AXIN2: variants seen among roughly 807,000 people sequenced by gnomAD.
AXIN2 encodes the protein axin 2, also known as axin-2.
In AXIN2, 21 loss-of-function variants were observed where a neutral mutation model predicts 74.7. The ratio of observed to expected loss-of-function variants is 0.28; its 90% CI spans 0.20 to 0.40. AXIN2 has a LOEUF of 0.40. AXIN2 is among the 10% of genes least tolerant of loss of function. The pLI is 1.00. For missense variants in AXIN2, 1,144 were observed against 1,111.1 expected (o/e 1.03, Z -0.42); for synonymous variants, 532 against 454.9 (o/e 1.17, Z -2.16).
In AXIN2 at chr17:65,529,566, T is replaced by C. The variant is rs1193604733; in HGVS notation, c.*410A>G. 1 of 351,640 alleles carries C rather than the reference T, an allele frequency of 2.8e-6. No homozygotes were observed. The highest frequency in any genetic ancestry group is 5.3e-6 in the Non-Finnish European group (1 of 189,138). 21.8% of individuals were successfully genotyped at this position (351,640 alleles called of 1,614,324 possible). A position where few individuals can be genotyped will look rare whatever the true frequency, so the allele number is the denominator to read the frequency against. ...CCCCTTCCAAGTTTAAAGCAGCATA[T>C]CCATAAACTGGGGATGGGGGAAATC... is the stretch of plus-strand genomic sequence containing the variant. On this transcript the variant is annotated 3_prime_UTR_variant, in exon 11 of 11. Transcript: ENST00000307078.
intron 3 of AXIN2, 46 bp from the exon 4 acceptor site, chr17:65,541,603 T>G (rs761035930): frequency 6.6e-7 from 1 of 1,508,454 alleles, no homozygotes. Flanking sequence ...CGAGGATGTT[T>G]TCAGCACATC....
Position 65,558,005 on chromosome 17 carries a change from T to A in AXIN2, c.616A>T (p.Asn206Tyr). 6.2e-7 allele frequency: 1 copy of A among 1,614,126 alleles called. No individual in the cohort carries two copies. ...YLEYVRSGGENTAYMSNGGLG... is the reference protein window; with the variant it reads ...YLEYVRSGGEYTAYMSNGGLG... ...CCCCCATTACTCATGTAAGCTGTGT[T>A]TTCTCCCCCACTCCTCACATATTCG... The change falls in exon 2 of 11, where the codon AAC becomes TAC. Residue 206 changes from asparagine to tyrosine, a missense_variant. Physicochemically the swap from Asn to Tyr is moderately radical, Grantham distance 143. Coordinates refer to ENST00000307078, the MANE Select transcript of AXIN2 (RefSeq NM_004655.4).
At chr17:65,534,569 T>C (rs2043876680) in intron 9 of AXIN2, among the ~76,000 whole-genome samples, 1 of 152,012 alleles carries the variant, frequency 6.6e-6, no homozygotes, top group Non-Finnish European at 1.5e-5. Context: ...GAACAACTAA[T>C]GGGGGTTATC....
chr17:65,551,283 G>C (rs1324798956), intron 2 of AXIN2, among the ~76,000 whole-genome samples: 1 of 100,622 alleles, frequency 9.9e-6, no homozygotes, highest in East Asian at 3.0e-4. Context: ...TTGAGGAGAT[G>C]ACAACCCAGG....
intron 3 of AXIN2, among the ~76,000 whole-genome samples, chr17:65,548,839 T>G (rs114815077): frequency 0.011 from 1,668 of 152,300 alleles, 23 homozygotes; most frequent in African/African-American, 0.038. Flanking sequence ...GCCAATGTCT[T>G]GGGTTACTTT....
intron 3 of AXIN2, among the ~76,000 whole-genome samples, chr17:65,546,402 C>T (rs1403653824): frequency 6.6e-6 from 1 of 152,190 alleles, no homozygotes; most frequent in Non-Finnish European, 1.5e-5. Flanking sequence ...CGGGTGACCG[C>T]CCGGTGCTGG....
intron 10 of AXIN2, among the ~76,000 whole-genome samples, chr17:65,533,662 T>A (rs2043859860): frequency 6.6e-6 from 1 of 152,206 alleles, no homozygotes; most frequent in Non-Finnish European, 1.5e-5. Flanking sequence ...CTGGTTCACC[T>A]GGTGGAAAGA....
chr17:65,531,170 T>C (rs1159960815), intron 10 of AXIN2, among the ~76,000 whole-genome samples: 1 of 144,204 alleles, frequency 6.9e-6, no homozygotes, highest in Non-Finnish European at 1.5e-5. Flanking sequence ...CTCAGGGTTA[T>C]GGTTGGGCTT....
intron 1 of AXIN2, among the ~76,000 whole-genome samples, chr17:65,559,006 G>A (rs1279185980): frequency 6.6e-6 from 1 of 152,068 alleles, no homozygotes; most frequent in East Asian, 1.9e-4. Flanking sequence ...AGGAAGGCAA[G>A]AGCTGGGGAC....
chr17:65,538,070 A>T (rs755554079), intron 5 of AXIN2, 133 bp downstream of exon 5: 1 of 1,507,604 alleles, frequency 6.6e-7, no homozygotes, highest in South Asian at 1.2e-5. Flanking sequence ...GCACACACCC[A>T]CACGCAGCCC....
At chr17:65,535,063 G>A (rs923796898) in intron 9 of AXIN2, among the ~76,000 whole-genome samples, 1 of 152,252 alleles carries the variant, frequency 6.6e-6, no homozygotes, top group Non-Finnish European at 1.5e-5. Flanking sequence ...TCAGGATGAA[G>A]ACACTAAGAA....
rs1054132086 is a variant in AXIN2, at chr17:65,549,735, A to G, written c.816-75T>C. 2.0e-6 allele frequency: 3 copies of G among 1,532,722 alleles called. No homozygotes were observed. The African/African-American group carries it at 4.1e-5, about 21-fold the overall frequency. 94.9% of individuals were successfully genotyped at this position (1,532,722 alleles called of 1,614,324 possible). A position where few individuals can be genotyped will look rare whatever the true frequency, so the allele number is the denominator to read the frequency against. ...CCAGGTAATCAGGTGACCCCAGGAC[A>G]ACCCAGCACACTATCCCACAATCTG... On this transcript the variant is annotated intron_variant, in intron 2 of 10. Coordinates refer to ENST00000307078, the MANE Select transcript of AXIN2 (RefSeq NM_004655.4).
rs1282533521 is a variant in AXIN2 at position 65,536,547 on chromosome 17, T to C, written c.1914A>G (p.Gln638=). ...RQSKPKPHSA[Q]STKKAYPLES... The stretch of plus-strand genomic sequence containing the variant: ...CCAAGGGGTAGGCCTTTTTTGTGCT[T>C]TGGGCACTAAACAAGGAATGAGCAG... Residue 638 remains glutamine, a synonymous_variant, in exon 8 of 11, where the codon CAA becomes CAG. Transcript: ENST00000307078. 2 of 1,613,642 alleles carry C rather than the reference T, an allele frequency of 1.2e-6. No homozygotes were observed.
intron 9 of AXIN2, among the ~76,000 whole-genome samples, chr17:65,534,312 T>C (rs2043873233): frequency 1.3e-5 from 2 of 152,162 alleles, no homozygotes; most frequent in Non-Finnish European, 2.9e-5. Flanking sequence ...AAAAGGATGA[T>C]TTCCTTTTGG....
chr17:65,536,089 G>C (rs188821320), intron 8 of AXIN2, among the ~76,000 whole-genome samples: 2 of 152,324 alleles, frequency 1.3e-5, no homozygotes, highest in East Asian at 3.9e-4. Context: ...CCCAATTCTA[G>C]GCATGACTTG....
At chr17:65,538,949 C>T (rs2043996232) in intron 4 of AXIN2, among the ~76,000 whole-genome samples, 1 of 151,994 alleles carries the variant, frequency 6.6e-6, no homozygotes, top group Non-Finnish European at 1.5e-5. Context: ...CCTCGTTTTT[C>T]TCCTTCCCTC....
rs781562976 is a variant in AXIN2, at chr17:65,538,163, G to A, written c.1200+40C>T. 3.7e-5 allele frequency: 59 copies of A among 1,613,612 alleles called. No individual in the cohort carries two copies. The highest frequency in any genetic ancestry group is 7.7e-5 in the South Asian group (7 of 91,068). On this transcript the variant is annotated intron_variant, in intron 5 of 10. Coordinates refer to ENST00000307078, the MANE Select transcript of AXIN2 (RefSeq NM_004655.4). Reference sequence around the variant, plus strand: ...TGCGCATACACATACGAGCGCTCACGCCGTGGACGGAAGCAGGAAGAAGGC... The same window carrying A: ...TGCGCATACACATACGAGCGCTCACACCGTGGACGGAAGCAGGAAGAAGGC...
At chr17:65,538,851 C>G (rs1189654283) in intron 4 of AXIN2, among the ~76,000 whole-genome samples, 1 of 151,988 alleles carries the variant, frequency 6.6e-6, no homozygotes, top group African/African-American at 2.4e-5. Flanking sequence ...GTCAAACGGC[C>G]TGGATCAGAG....
At position 65,549,660 on chromosome 17, in the gene AXIN2, C is replaced by T; in HGVS notation, c.816G>A (p.Arg272=). 2 of 1,595,828 alleles carry T rather than the reference C, an allele frequency of 1.3e-6. No individual in the cohort carries two copies. The highest frequency in any genetic ancestry group is 1.7e-6 in the Non-Finnish European group (2 of 1,170,234). Residue 272 remains arginine, a splice_region_variant and synonymous_variant, in exon 3 of 11, where the codon AGG becomes AGA. Transcript: ENST00000307078. ...TAACAGGATCGCTCCTCTTGAAGGA[C>T]CTATGGGCAAAGTACAAAAGTGGTT... ...RSTETVDSGY[R]SFKRSDPVNP... is the part of the protein sequence containing the mutation.
Sources: allele counts gnomAD v4.1 joint callset (sites outside exome capture counted in the v4.1 genomes callset), GRCh38; gene constraint gnomAD v4.1.1; transcripts MANE v1.5; gene names NCBI Gene and HGNC (gene_info 2026-07-23, HGNC 2026-07-21).